FRMD4A: variants seen among roughly 807,000 people sequenced by gnomAD.
FRMD4A encodes FERM domain-containing protein 4A.
FRMD4A carries 29 observed loss-of-function variants against 129.1 expected under a neutral mutation model. The ratio of observed to expected loss-of-function variants is 0.22; its 90% confidence interval spans 0.17 to 0.31. The LOEUF (loss-of-function observed/expected upper bound fraction) is 0.31, where lower values mean the gene tolerates loss of function less well. FRMD4A is among the 10% of genes least tolerant of loss of function. The pLI is 1.00. For missense variants in FRMD4A, 1,272 were observed against 1,375.8 expected (o/e 0.92, Z 1.19); for synonymous variants, 634 against 571.6 (o/e 1.11, Z -1.56).
At chr10:13,813,936 T>C (rs913728768) in intron 3 of FRMD4A, among the ~76,000 whole-genome samples, 1 of 152,372 alleles carries the variant, frequency 6.6e-6, no homozygotes, top group Middle Eastern at 3.4e-3. Context: ...AAATGATTGC[T>C]ACCGCTTTCA....
chr10:14,053,888 G>A (rs1054994720), intron 2 of FRMD4A, among the ~76,000 whole-genome samples: 1 of 152,120 alleles, frequency 6.6e-6, no homozygotes, highest in African/African-American at 2.4e-5. Context: ...AGTGGATTGT[G>A]GTGGTACAGG....
At chr10:13,839,259 G>A (rs1410174134) in intron 3 of FRMD4A, among the ~76,000 whole-genome samples, 2 of 152,118 alleles carry the variant, frequency 1.3e-5, no homozygotes, top group South Asian at 2.1e-4. Context: ...TCCCACCTTG[G>A]CCTCTCAAAG....
At chr10:13,654,253 G>A (rs2081941892) in intron 23 of FRMD4A, 163 bp downstream of exon 23, 1 of 644,112 alleles carries the variant, frequency 1.6e-6, no homozygotes, top group Non-Finnish European at 2.8e-6. Context: ...AAAGGAGTAG[G>A]CAGAGGTGAC....
At chr10:13,900,202 A>T (rs2094803704) in intron 2 of FRMD4A, among the ~76,000 whole-genome samples, 1 of 152,222 alleles carries the variant, frequency 6.6e-6, no homozygotes, top group African/African-American at 2.4e-5. Context: ...GCGATCAAGT[A>T]CTTAAAACCA....
At chr10:14,045,106 TTGCC>T (rs1254115609) in intron 2 of FRMD4A, among the ~76,000 whole-genome samples, 9 of 152,188 alleles carry the variant, frequency 5.9e-5, no homozygotes, top group African/African-American at 2.2e-4. Flanking sequence ...CCTATCTATG[TTGCC>T]CTGGCTGGTC....
chr10:13,707,009 C>G (rs1194351532), intron 13 of FRMD4A, 28 bp downstream of exon 13: 3 of 1,227,006 alleles, frequency 2.4e-6, no homozygotes, highest in Non-Finnish European at 3.6e-6. Flanking sequence ...CCACGCCATC[C>G]CGCAAGAAAA....
At chr10:14,018,695 T>C (rs1832593014) in intron 2 of FRMD4A, among the ~76,000 whole-genome samples, 1 of 152,124 alleles carries the variant, frequency 6.6e-6, no homozygotes, top group African/African-American at 2.4e-5. Context: ...TTATTGCAAT[T>C]GTCCAAATGA....
intron 2 of FRMD4A, among the ~76,000 whole-genome samples, chr10:14,315,822 C>T (rs1365941624): frequency 3.9e-5 from 6 of 152,330 alleles, no homozygotes; most frequent in African/African-American, 1.4e-4. Flanking sequence ...AGTTCAGATA[C>T]TAGCTCCTCT....
intron 7 of FRMD4A, among the ~76,000 whole-genome samples, chr10:13,762,017 GT>G (rs2092094560): frequency 6.6e-6 from 1 of 152,176 alleles, no homozygotes; most frequent in Admixed American, 6.5e-5. Context: ...GTCAGTTTTT[GT>G]TTTGGTTTGT....
intron 2 of FRMD4A, among the ~76,000 whole-genome samples, chr10:14,186,666 C>T (rs1453941777): frequency 6.6e-6 from 1 of 152,210 alleles, no homozygotes; most frequent in Non-Finnish European, 1.5e-5. Context: ...GCATCCTCTT[C>T]CTTCTTACCT....
At chr10:13,985,332 C>T (rs1171390789) in intron 2 of FRMD4A, among the ~76,000 whole-genome samples, 1 of 152,204 alleles carries the variant, frequency 6.6e-6, no homozygotes. Flanking sequence ...TCTCTCTACT[C>T]AGGACCATGG....
At chr10:13,861,683 G>A (rs571302434) in intron 2 of FRMD4A, among the ~76,000 whole-genome samples, 1 of 152,296 alleles carries the variant, frequency 6.6e-6, no homozygotes, top group African/African-American at 2.4e-5. Flanking sequence ...TTATTCACCC[G>A]TTGAACCCCT....
intron 2 of FRMD4A, among the ~76,000 whole-genome samples, chr10:13,996,742 G>T (rs1267271467): frequency 6.6e-6 from 1 of 152,092 alleles, no homozygotes; most frequent in Admixed American, 6.6e-5. Context: ...GATAATAGCA[G>T]GATTTTCTTC....
intron 2 of FRMD4A, among the ~76,000 whole-genome samples, chr10:14,162,295 G>A (rs899468840): frequency 6.6e-6 from 1 of 152,192 alleles, no homozygotes; most frequent in Non-Finnish European, 1.5e-5. Flanking sequence ...AAGCTGGGAT[G>A]TGTCTACTTC....
At chr10:13,934,176 A>G (rs1170826228) in intron 2 of FRMD4A, among the ~76,000 whole-genome samples, 1 of 152,230 alleles carries the variant, frequency 6.6e-6, no homozygotes, top group Non-Finnish European at 1.5e-5. Context: ...GAGCCTTGGA[A>G]AGGACAAGAA....
At chr10:14,092,054 G>A (rs1836691030) in intron 2 of FRMD4A, among the ~76,000 whole-genome samples, 1 of 152,188 alleles carries the variant, frequency 6.6e-6, no homozygotes, top group Non-Finnish European at 1.5e-5. Context: ...AGCTCTGGAT[G>A]ACATGATTGA....
At chr10:14,200,375 C>T (rs1366950073) in intron 2 of FRMD4A, among the ~76,000 whole-genome samples, 1 of 139,044 alleles carries the variant, frequency 7.2e-6, no homozygotes, top group Non-Finnish European at 1.7e-5. Context: ...CTCACTGCAA[C>T]CTCCGCCTCC....
intron 9 of FRMD4A, among the ~76,000 whole-genome samples, chr10:13,747,465 G>A (rs1052434365): frequency 8.0e-5 from 12 of 150,578 alleles, no homozygotes; most frequent in Non-Finnish European, 1.6e-4. Context: ...TGAGGCAGAA[G>A]TTGCAATGAG....
chr10:14,230,960 G>A (rs1161609345), intron 2 of FRMD4A, among the ~76,000 whole-genome samples: 1 of 152,166 alleles, frequency 6.6e-6, no homozygotes, highest in Non-Finnish European at 1.5e-5. Flanking sequence ...CAAAGAACGT[G>A]ATTTTGTTCT....
Sources: gnomAD v4.1 joint callset for allele counts (sites outside exome capture counted in the v4.1 genomes callset) on GRCh38, gnomAD v4.1.1 for gene constraint, MANE v1.5 for transcripts, NCBI Gene and HGNC (gene_info 2026-07-23, HGNC 2026-07-21) for gene names.